The following RFTN2 variants were observed in gnomAD, a reference collection of about 807,000 sequenced individuals.
The protein encoded by RFTN2 is raftlin family member 2.
In RFTN2, 34 loss-of-function variants were observed where a neutral mutation model predicts 52.7. The observed-to-expected ratio is 0.64, with a 90% CI of 0.49 to 0.86. The LOEUF (loss-of-function observed/expected upper bound fraction) is 0.86, where lower values mean the gene tolerates loss of function less well. Among genes scored for constraint, RFTN2 ranks in the 40% least tolerant of loss-of-function variants. RFTN2 has a pLI of 0.00. For synonymous variants in RFTN2, 203 were observed against 217.7 expected (o/e 0.93, Z 0.59); for missense variants, 536 against 600.1 (o/e 0.89, Z 1.12).
intron 3 of RFTN2, among the ~76,000 whole-genome samples, chr2:197,639,868 G>A (rs1424659734): frequency 6.9e-6 from 1 of 145,374 alleles, no homozygotes; most frequent in Non-Finnish European, 1.5e-5. Flanking sequence ...CATCTTTGTG[G>A]TTTTATCTAC....
chr2:197,642,472 T>C (rs1267306496), intron 3 of RFTN2, among the ~76,000 whole-genome samples: 1 of 152,252 alleles, frequency 6.6e-6, no homozygotes, highest in Non-Finnish European at 1.5e-5. Context: ...TTATATTGTA[T>C]AGACTTTTCT....
intron 8 of RFTN2, among the ~76,000 whole-genome samples, chr2:197,591,996 AG>A (rs2087723606): frequency 6.6e-6 from 1 of 152,112 alleles, no homozygotes; most frequent in Non-Finnish European, 1.5e-5. Flanking sequence ...AGACCAGAGA[AG>A]GGCTCCCATG....
intron 8 of RFTN2, among the ~76,000 whole-genome samples, chr2:197,584,559 T>C (rs970500846): frequency 1.3e-5 from 2 of 152,236 alleles, no homozygotes; most frequent in Non-Finnish European, 1.5e-5. Flanking sequence ...ACTCTGTAGG[T>C]TGCCTGTTCA....
chr2:197,655,736 A>C (rs907979301), intron 1 of RFTN2, among the ~76,000 whole-genome samples: 2 of 152,150 alleles, frequency 1.3e-5, no homozygotes, highest in African/African-American at 4.8e-5. Flanking sequence ...AGGCAGGAGA[A>C]TCGCTTGAAC....
chr2:197,587,209 C>A (rs2087614753), intron 8 of RFTN2, among the ~76,000 whole-genome samples: 1 of 152,144 alleles, frequency 6.6e-6, no homozygotes, highest in African/African-American at 2.4e-5. Flanking sequence ...CTCTGCTACT[C>A]TAGGTTCCCA....
chr2:197,594,797 G>A (rs1453611340), intron 8 of RFTN2, among the ~76,000 whole-genome samples: 2 of 152,052 alleles, frequency 1.3e-5, no homozygotes, highest in African/African-American at 4.8e-5. Flanking sequence ...CCTCTCTACC[G>A]ATTTACCTAC....
intron 8 of RFTN2, among the ~76,000 whole-genome samples, chr2:197,589,501 TGCTCCTC>T (rs2087662040): frequency 6.6e-6 from 1 of 152,246 alleles, no homozygotes; most frequent in African/African-American, 2.4e-5. Context: ...GGGTTCTGAT[TGCTCCTC>T]ATTCTCCCCA....
intron 8 of RFTN2, among the ~76,000 whole-genome samples, chr2:197,573,387 TTTGCCC>T (rs1383329546): frequency 6.6e-6 from 1 of 152,218 alleles, no homozygotes; most frequent in Non-Finnish European, 1.5e-5. Context: ...CTGGTGGCAT[TTTGCCC>T]TTGCCCTCAA....
intron 5 of RFTN2, among the ~76,000 whole-genome samples, chr2:197,623,028 C>A (rs1338554470): frequency 6.6e-6 from 1 of 152,220 alleles, no homozygotes; most frequent in Non-Finnish European, 1.5e-5. Context: ...TTAATGTTTT[C>A]ATGCCTGCTA....
Position 197,590,368 on chromosome 2 carries a change from AAC to A in RFTN2, c.1233+5621_1233+5622del, listed in dbSNP as rs528337965. Among the ~76,000 whole-genome samples, 9 of 152,220 alleles carry A rather than the reference AAC, an allele frequency of 5.9e-5. 1 individual carries two copies. Among genetic ancestry groups the A allele is most frequent in the Non-Finnish European group, 1.2e-4 (8 of 68,040 alleles). On this transcript the variant is annotated intron_variant, in intron 8 of 8. Transcript: ENST00000295049. Reference sequence around the variant, plus strand: ...TGAAATGACATTTTTCATGTTTAAAAACAGTCACAAGTATCTAGAATACTGCA... The same window carrying A: ...TGAAATGACATTTTTCATGTTTAAAAAGTCACAAGTATCTAGAATACTGCA...
At chr2:197,588,660 G>A (rs982226197) in intron 8 of RFTN2, among the ~76,000 whole-genome samples, 1 of 152,200 alleles carries the variant, frequency 6.6e-6, no homozygotes, top group African/African-American at 2.4e-5. Flanking sequence ...CTGTGTGAAC[G>A]TAAGTTTTTA....
intron 5 of RFTN2, among the ~76,000 whole-genome samples, chr2:197,623,262 G>A (rs2088298518): frequency 6.6e-6 from 1 of 152,220 alleles, no homozygotes; most frequent in African/African-American, 2.4e-5. Context: ...ACATGAACAG[G>A]AGTTTGAAAG....
intron 4 of RFTN2, among the ~76,000 whole-genome samples, chr2:197,632,837 C>G (rs549962977): frequency 6.6e-6 from 1 of 152,166 alleles, no homozygotes; most frequent in Non-Finnish European, 1.5e-5. Flanking sequence ...GACACCAAGG[C>G]GTGCTCCTCC....
rs186814948 is a variant in RFTN2, at chr2:197,669,477, C to G, written c.139+5843G>C. On this transcript the variant is annotated intron_variant, in intron 1 of 8. Coordinates refer to ENST00000295049, the MANE Select transcript of RFTN2 (RefSeq NM_144629.3). ...CTTAAAACTACTAACACTAGGACAG[C>G]GGTCCCCAACTTTTTGGCACCAGGG... 6.3e-3 allele frequency among the ~76,000 whole-genome samples: 956 copies of G among 152,022 alleles called. 8 individuals carry two copies. Among genetic ancestry groups the G allele is most frequent in the African/African-American group, 0.022 (915 of 41,450 alleles).
At chr2:197,616,309 A>ATATTATTTTATTTTATTTATTTTATTTT (rs1553601950) in intron 6 of RFTN2, among the ~76,000 whole-genome samples, 1 of 125,040 alleles carries the variant, frequency 8.0e-6, no homozygotes. Flanking sequence ...ATTTTATTTT[A>ATATTATTTTATTTTATTTATTTTATTTT]AAGAGAGGGT....
intron 7 of RFTN2, among the ~76,000 whole-genome samples, chr2:197,600,022 CT>C (rs949226347): frequency 2.0e-5 from 3 of 151,838 alleles, no homozygotes; most frequent in Non-Finnish European, 2.9e-5. Flanking sequence ...CCACATCTGG[CT>C]TTTTTTTGTA....
chr2:197,630,060 G>C (rs1406043825), intron 5 of RFTN2, among the ~76,000 whole-genome samples: 1 of 152,132 alleles, frequency 6.6e-6, no homozygotes, highest in Non-Finnish European at 1.5e-5. Flanking sequence ...TTTAGCACCT[G>C]CTATGTGCTA....
Position 197,658,615 on chromosome 2 carries a change from A to G in RFTN2, c.140-11949T>C, listed in dbSNP as rs148320183. 3.1e-3 allele frequency among the ~76,000 whole-genome samples: 477 copies of G among 152,214 alleles called. 6 individuals are homozygous for G. The highest frequency in any genetic ancestry group is 0.011 in the African/African-American group (460 of 41,530). On this transcript the variant is annotated intron_variant, in intron 1 of 8. Coordinates refer to ENST00000295049, the MANE Select transcript of RFTN2 (RefSeq NM_144629.3). ...ATTACTTTTTAAACAGAGGAAATTA[A>G]GGGAGAGGTAATGGTAGTTTGGCTA...
chr2:197,590,031 C>T (rs1435822025), intron 8 of RFTN2, among the ~76,000 whole-genome samples: 1 of 151,860 alleles, frequency 6.6e-6, no homozygotes, highest in Non-Finnish European at 1.5e-5. Context: ...CCCCACTCCC[C>T]CAAGTAGCTG....
Sources: gnomAD v4.1 joint callset for allele counts (sites outside exome capture counted in the v4.1 genomes callset) on GRCh38, gnomAD v4.1.1 for gene constraint, MANE v1.5 for transcripts, NCBI Gene and HGNC (gene_info 2026-07-23, HGNC 2026-07-21) for gene names.